Variants in BLM observed in about 807,000 individuals in gnomAD.
BLM encodes the protein recQ-like DNA helicase BLM.
BLM carries 95 observed loss-of-function variants against 135.3 expected under a neutral mutation model. The ratio of observed to expected loss-of-function variants is 0.70; its 90% CI spans 0.59 to 0.83. The LOEUF (loss-of-function observed/expected upper bound fraction) is 0.83. BLM is among the 40% of genes least tolerant of loss of function. BLM has a pLI of 0.00. For missense variants in BLM, 1,518 were observed against 1,663.9 expected (o/e 0.91, Z 1.53); for synonymous variants, 520 against 589.2 (o/e 0.88, Z 1.70).
intron 2 of BLM, among the ~76,000 whole-genome samples, chr15:90,748,268 C>T (rs921857163): frequency 2.6e-5 from 4 of 152,016 alleles, no homozygotes; most frequent in Non-Finnish European, 5.9e-5. Flanking sequence ...ACCACCATGC[C>T]TGGCTAATTT....
chr15:90,723,783 CT>C, intron 1 of BLM, among the ~76,000 whole-genome samples: 1 of 152,102 alleles, frequency 6.6e-6, no homozygotes. Context: ...AAACTTTATA[CT>C]TTTTGATTAA....
At chr15:90,785,117 A>C (rs758316735) in intron 14 of BLM, 36 bp downstream of exon 14, 1 of 1,586,692 alleles carries the variant, frequency 6.3e-7, no homozygotes, top group Non-Finnish European at 8.6e-7. Context: ...AATAGAAATA[A>C]TCTTTTATAG....
At chr15:90,794,120 A>G (rs753569775) in intron 15 of BLM, 47 bp from the exon 16 acceptor site, 2 of 1,404,018 alleles carry the variant, frequency 1.4e-6, no homozygotes. Flanking sequence ...GATATGCTCT[A>G]TTTTTCCCCT....
intron 5 of BLM, 149 bp from the exon 6 acceptor site, chr15:90,759,998 C>G (rs1373376882): frequency 1.5e-6 from 1 of 656,566 alleles, no homozygotes; most frequent in Admixed American, 2.5e-5. Context: ...CTGTGTTGCC[C>G]AGGCTGGTCT....
intron 7 of BLM, among the ~76,000 whole-genome samples, chr15:90,761,769 A>G (rs934646058): frequency 4.6e-5 from 7 of 152,182 alleles, no homozygotes; most frequent in African/African-American, 1.2e-4. Flanking sequence ...CTAAGGGCTC[A>G]CTGCATGCCA....
chr15:90,742,080 C>CA (rs1321866982), intron 1 of BLM, among the ~76,000 whole-genome samples: 40 of 152,088 alleles, frequency 2.6e-4, no homozygotes, highest in Admixed American at 2.4e-3. Flanking sequence ...AAAATTCTGT[C>CA]AAAAATCTCT....
chr15:90,789,993 T>TG (rs1896860200), intron 14 of BLM, among the ~76,000 whole-genome samples: 1 of 53,766 alleles, frequency 1.9e-5, no homozygotes. Context: ...TGGTGTTTTT[T>TG]TTTTTTTTTT....
At chr15:90,789,592 C>T (rs28385067) in intron 14 of BLM, among the ~76,000 whole-genome samples, 32 of 152,048 alleles carry the variant, frequency 2.1e-4, no homozygotes, top group Admixed American at 1.8e-3. Context: ...GATGACTAAC[C>T]GAGAGCGCAG....
chr15:90,760,130 A>T lies in BLM; in HGVS notation c.1088-17A>T, dbSNP rs747396397. 6.2e-7 allele frequency: 1 copy of T among 1,606,518 alleles called. No homozygotes were observed. Among genetic ancestry groups the T allele is most frequent in the East Asian group, 2.2e-5 (1 of 44,808 alleles). ...TTTCCCTCAAAGAAAAATATTAACAACATAATTATTTTATAGCTAGACAGA... is the reference window on the plus strand; with the variant it reads ...TTTCCCTCAAAGAAAAATATTAACATCATAATTATTTTATAGCTAGACAGA... On this transcript the variant is annotated splice_polypyrimidine_tract_variant and intron_variant, in intron 5 of 21. Coordinates refer to ENST00000355112, the MANE Select transcript of BLM (RefSeq NM_000057.4).
intron 1 of BLM, among the ~76,000 whole-genome samples, chr15:90,742,188 A>G (rs1314655168): frequency 6.6e-6 from 1 of 152,268 alleles, no homozygotes; most frequent in East Asian, 1.9e-4. Context: ...GTTCATAAAT[A>G]CCTCAACTTA....
At chr15:90,769,295 T>C in intron 11 of BLM, 64 bp downstream of exon 11, 1 of 1,543,618 alleles carries the variant, frequency 6.5e-7, no homozygotes. Context: ...TATATGTATT[T>C]ACTGAATAAA....
At chr15:90,755,096 C>A in intron 5 of BLM, 158 bp downstream of exon 5, 1 of 870,910 alleles carries the variant, frequency 1.1e-6, no homozygotes, top group Non-Finnish European at 1.7e-6. Flanking sequence ...TACTGGTTAG[C>A]CAGCATTTGC....
intron 5 of BLM, among the ~76,000 whole-genome samples, chr15:90,758,597 A>G (rs1293644701): frequency 1.3e-5 from 2 of 152,198 alleles, no homozygotes; most frequent in African/African-American, 4.8e-5. Context: ...CAAACATCAT[A>G]TCAGGAGTTG....
chr15:90,747,467 A>C lies in BLM; in HGVS notation c.75A>C (p.Leu25Phe). ...CAGCCAGAACACTTAATAATAAATT[A>C]AGTCTTTCAAAACCAAAATTTTCGT... ...RHSARTLNNK[L>F]SLSKPKFSGF... The change falls in exon 2 of 22, where the codon TTA becomes TTC. Residue 25 changes from leucine (L) to phenylalanine (F), a missense_variant. Transcript: ENST00000355112. 3 of 1,608,108 alleles carry C rather than the reference A, an allele frequency of 1.9e-6. No individual in the cohort carries two copies. The highest frequency in any genetic ancestry group is 2.6e-6 in the Non-Finnish European group (3 of 1,176,220).
intron 3 of BLM, 133 bp from the exon 4 acceptor site, chr15:90,751,654 G>A: frequency 1.4e-6 from 1 of 709,440 alleles, no homozygotes; most frequent in Non-Finnish European, 2.4e-6. Flanking sequence ...AGCATGTAAA[G>A]GGAGAGGATC....
In BLM at chr15:90,786,294, T is replaced by G. The variant is rs566632888; in HGVS notation, c.2823+1213T>G. Among the ~76,000 whole-genome samples the G allele has an allele frequency of 2.5e-3, 387 of 152,300 alleles. 1 individual carries two copies. Among genetic ancestry groups the G allele is most frequent in the Non-Finnish European group, 3.2e-3 (221 of 68,024 alleles). On this transcript the variant is annotated intron_variant, in intron 14 of 21. Coordinates refer to ENST00000355112, the MANE Select transcript of BLM (RefSeq NM_000057.4). ...TGAGCCACCATCCCCGATGTGTTTC[T>G]ACTTCTTGGCTACTATGAATAATGG...
chr15:90,779,116 A>G (rs1356258688), intron 12 of BLM, among the ~76,000 whole-genome samples: 3 of 151,976 alleles, frequency 2.0e-5, no homozygotes, highest in Non-Finnish European at 2.9e-5. Context: ...TGAACTCCTG[A>G]CCTCATGATC....
intron 1 of BLM, among the ~76,000 whole-genome samples, chr15:90,729,258 C>T (rs1291843059): frequency 3.8e-4 from 57 of 151,960 alleles, no homozygotes; most frequent in Admixed American, 3.3e-3. Context: ...TGCAGTTTGC[C>T]GAGATCGCGC....
intron 1 of BLM, among the ~76,000 whole-genome samples, chr15:90,742,517 A>G (rs1596211259): frequency 6.6e-6 from 1 of 152,010 alleles, no homozygotes; most frequent in Middle Eastern, 3.4e-3. Flanking sequence ...TAGATCCCCA[A>G]CCAGTAACTT....
Sources: allele counts gnomAD v4.1 joint callset (sites outside exome capture counted in the v4.1 genomes callset), GRCh38; gene constraint gnomAD v4.1.1; transcripts MANE v1.5; gene names NCBI Gene and HGNC (gene_info 2026-07-23, HGNC 2026-07-21).